Variants in MLIP observed in about 807,000 individuals in gnomAD.
The protein encoded by MLIP is muscular LMNA interacting protein, also known as muscular LMNA-interacting protein.
MLIP carries 79 observed loss-of-function variants against 84.8 expected under a neutral mutation model. The ratio of observed to expected loss-of-function variants is 0.93; its 90% confidence interval spans 0.78 to 1.12. The LOEUF is 1.12. MLIP is among the 50% of genes most tolerant of loss of function. The pLI is 0.00. For missense variants in MLIP, 1,257 were observed against 1,160.6 expected, an observed-to-expected ratio of 1.08 and a Z score of -1.21; for synonymous variants, 504 against 463.0, an observed-to-expected ratio of 1.09 and a Z score of -1.14.
intron 12 of MLIP, among the ~76,000 whole-genome samples, chr6:54,248,948 G>C (rs1782270892): frequency 6.6e-6 from 1 of 152,174 alleles, no homozygotes; most frequent in Admixed American, 6.6e-5. Flanking sequence ...GTACACAAAA[G>C]AATGTAGTGA....
At chr6:54,166,930 T>G (rs1472220385) in intron 8 of MLIP, among the ~76,000 whole-genome samples, 5 of 151,956 alleles carry the variant, frequency 3.3e-5, no homozygotes, top group Non-Finnish European at 5.9e-5. Context: ...TGGTAGAATT[T>G]CGCTCTTTCA....
intron 12 of MLIP, among the ~76,000 whole-genome samples, chr6:54,255,956 T>C (rs1456798454): frequency 6.6e-6 from 1 of 152,176 alleles, no homozygotes; most frequent in Non-Finnish European, 1.5e-5. Context: ...TTTGAAGCAG[T>C]ACCTAGAGTC....
chr6:54,035,567 C>A (rs1561881312), intron 1 of MLIP, among the ~76,000 whole-genome samples: 1 of 151,934 alleles, frequency 6.6e-6, no homozygotes, highest in East Asian at 1.9e-4. Context: ...GTAGCTGTAC[C>A]ATTTTACATT....
chr6:54,111,322 C>A, upstream of MLIP: 2 of 1,258,476 alleles, frequency 1.6e-6, no homozygotes, highest in Non-Finnish European at 2.1e-6. Context: ...CAGAAATCTA[C>A]TCTTCGGAGC....
At chr6:54,184,012 G>A (rs1315033857) in intron 9 of MLIP, among the ~76,000 whole-genome samples, 1 of 143,112 alleles carries the variant, frequency 7.0e-6, no homozygotes, top group Admixed American at 6.7e-5. Flanking sequence ...GAGTAAGACA[G>A]AGTCTTTATC....
chr6:54,202,611 A>G lies in MLIP; in HGVS notation c.2718+378A>G, dbSNP rs1023537056. ...TTCTTATTTCTAAAATCCTGCTTCC[A>G]GCTGGATACAGTGGCTCATGTCTAT... On this transcript the variant is annotated intron_variant, in intron 11 of 13. Coordinates refer to ENST00000502396, the MANE Select transcript of MLIP (RefSeq NM_001281747.2). Among the ~76,000 whole-genome samples the G allele has an allele frequency of 5.9e-5, 9 of 152,190 alleles. No homozygotes were observed. In the East Asian group the frequency reaches 1.7e-3, roughly 29 times the overall value.
chr6:54,239,149 T>C (rs1781554874), intron 12 of MLIP, among the ~76,000 whole-genome samples: 4 of 151,930 alleles, frequency 2.6e-5, no homozygotes, highest in African/African-American at 9.7e-5. Flanking sequence ...TAGCTTTCAC[T>C]TCATAGCCAG....
At chr6:54,034,718 A>G (rs1191491524) in intron 1 of MLIP, among the ~76,000 whole-genome samples, 1 of 152,148 alleles carries the variant, frequency 6.6e-6, no homozygotes, top group Non-Finnish European at 1.5e-5. Context: ...AAAGTAAGCT[A>G]AGATTAATTT....
At chr6:54,250,226 T>A (rs1358434494) in intron 12 of MLIP, among the ~76,000 whole-genome samples, 3 of 151,900 alleles carry the variant, frequency 2.0e-5, no homozygotes, top group Admixed American at 6.6e-5. Context: ...GCTGGCGAGG[T>A]CATGGAGAAA....
intron 9 of MLIP, among the ~76,000 whole-genome samples, chr6:54,184,369 T>G (rs1475052175): frequency 6.6e-6 from 1 of 152,158 alleles, no homozygotes; most frequent in East Asian, 1.9e-4. Flanking sequence ...GTTTAACACT[T>G]TTTATCTAAT....
intron 5 of MLIP, among the ~76,000 whole-genome samples, chr6:54,151,858 C>G (rs994853302): frequency 3.3e-5 from 5 of 152,212 alleles, no homozygotes; most frequent in African/African-American, 1.2e-4. Context: ...GCATCCCTTG[C>G]AATGAGATGT....
At chr6:54,102,281 A>C (rs950226503) in intron 1 of MLIP, among the ~76,000 whole-genome samples, 1 of 152,162 alleles carries the variant, frequency 6.6e-6, no homozygotes, top group African/African-American at 2.4e-5. Context: ...AATATATTAA[A>C]TATCAAGAGC....
chr6:54,173,364 T>C (rs1016499731), intron 9 of MLIP, among the ~76,000 whole-genome samples: 1 of 151,858 alleles, frequency 6.6e-6, no homozygotes, highest in South Asian at 2.1e-4. Flanking sequence ...AAATTATTTC[T>C]TCATGCCCAA....
chr6:54,225,694 T>A (rs1364905978), intron 11 of MLIP, among the ~76,000 whole-genome samples: 2 of 152,144 alleles, frequency 1.3e-5, no homozygotes, highest in Non-Finnish European at 2.9e-5. Flanking sequence ...CCTCACCAAG[T>A]GGGATTTAAT....
intron 1 of MLIP, among the ~76,000 whole-genome samples, chr6:54,079,934 G>A (rs1334469010): frequency 2.6e-5 from 4 of 152,146 alleles, no homozygotes; most frequent in African/African-American, 4.8e-5. Context: ...CAGAGTTGAC[G>A]TTTACTGGAG....
At chr6:54,127,261 G>A (rs6918378) in intron 3 of MLIP, among the ~76,000 whole-genome samples, 3,116 of 152,082 alleles carry the variant, frequency 0.02, 111 homozygotes, top group African/African-American at 0.07. Context: ...TTTTCATTCT[G>A]TTGTAATAAT....
chr6:54,019,033 A>G, exon 1 of MLIP: 1 of 1,610,196 alleles, frequency 6.2e-7, no homozygotes, highest in Non-Finnish European at 8.5e-7. Flanking sequence ...TTCAATATGG[A>G]ACTTGAAAAG....
intron 9 of MLIP, among the ~76,000 whole-genome samples, chr6:54,189,561 C>A (rs1367322056): frequency 6.6e-6 from 1 of 151,832 alleles, no homozygotes; most frequent in Non-Finnish European, 1.5e-5. Context: ...GTTAGGTAAC[C>A]TTGAAGAAGT....
At chr6:54,222,931 G>A (rs1218121959) in intron 11 of MLIP, among the ~76,000 whole-genome samples, 1 of 151,964 alleles carries the variant, frequency 6.6e-6, no homozygotes. Flanking sequence ...ATAGCTCATG[G>A]TGGTTTTGAT....
Sources: gnomAD v4.1 joint callset for allele counts (sites outside exome capture counted in the v4.1 genomes callset) on GRCh38, gnomAD v4.1.1 for gene constraint, MANE v1.5 for transcripts, NCBI Gene and HGNC (gene_info 2026-07-23, HGNC 2026-07-21) for gene names.